Variants in MTRR observed in about 807,000 individuals in gnomAD.
MTRR encodes the protein methionine synthase reductase.
A neutral mutation model predicts 79.2 loss-of-function variants in MTRR; 63 were observed. The ratio of observed to expected loss-of-function variants is 0.80; its 90% CI spans 0.65 to 0.98. MTRR has a LOEUF of 0.98. MTRR is among the 50% of genes least tolerant of loss of function. The pLI is 0.00. For missense variants in MTRR, 895 were observed against 839.6 expected (o/e 1.07, Z -0.82); for synonymous variants, 355 against 313.3 (o/e 1.13, Z -1.41).
At chr5:7,854,479 A>C (rs1170599364) in intron 1 of MTRR, among the ~76,000 whole-genome samples, 1 of 152,174 alleles carries the variant, frequency 6.6e-6, no homozygotes, top group Non-Finnish European at 1.5e-5. Context: ...GGATGAAAAG[A>C]GGTTTAATTG....
In MTRR at chr5:7,900,084, A is replaced by G; in HGVS notation, c.*26A>G. On this transcript the variant is annotated 3_prime_UTR_variant, in exon 15 of 15. Transcript: ENST00000440940. ...AACCAGAAATTAAAGAAAGAGGATT[A>G]AGCTTTTTTGACTGAAAGTACTAAA... The G allele has an allele frequency of 6.2e-7, 1 of 1,611,486 alleles. No homozygotes were observed. Among genetic ancestry groups the G allele is most frequent in the Non-Finnish European group, 8.5e-7 (1 of 1,179,430 alleles).
chr5:7,869,039 C>T, upstream of MTRR: 1 of 1,455,546 alleles, frequency 6.9e-7, no homozygotes, highest in African/African-American at 1.4e-5. Flanking sequence ...CGTGGGCCTC[C>T]GTAGCAAACG....
chr5:7,863,519 T>C (rs1746702141), intron 2 of MTRR, among the ~76,000 whole-genome samples: 1 of 152,232 alleles, frequency 6.6e-6, no homozygotes, highest in Non-Finnish European at 1.5e-5. Context: ...TTAGGGATGC[T>C]GAACTGGTAA....
chr5:7,864,879 A>T (rs1046371656), upstream of MTRR, among the ~76,000 whole-genome samples: 3 of 151,202 alleles, frequency 2.0e-5, no homozygotes, highest in African/African-American at 7.4e-5. Flanking sequence ...TCTAGTTTAT[A>T]TATGAAAAAA....
intron 1 of MTRR, among the ~76,000 whole-genome samples, chr5:7,857,916 G>T (rs1746298289): frequency 6.6e-6 from 1 of 152,238 alleles, no homozygotes; most frequent in Non-Finnish European, 1.5e-5. Context: ...GCTTGCAATG[G>T]ATGAGATGGA....
At chr5:7,883,322 T>C (rs748768386) in intron 6 of MTRR, 45 bp downstream of exon 6, 3 of 1,613,128 alleles carry the variant, frequency 1.9e-6, no homozygotes, top group Non-Finnish European at 2.5e-6. Flanking sequence ...ATTGTCAGGA[T>C]GTGCAGAAAG....
At chr5:7,881,411 A>T (rs1735571243) in intron 5 of MTRR, among the ~76,000 whole-genome samples, 1 of 152,036 alleles carries the variant, frequency 6.6e-6, no homozygotes, top group Admixed American at 6.6e-5. Context: ...CTGTGGGCAG[A>T]GGTCCTTACA....
At chr5:7,877,097 C>CT (rs1482490098) in intron 4 of MTRR, among the ~76,000 whole-genome samples, 5 of 152,194 alleles carry the variant, frequency 3.3e-5, no homozygotes, top group African/African-American at 1.2e-4. Context: ...GGCCTGAAAT[C>CT]TGCCTCCTCT....
chr5:7,858,463 C>A (rs1321668732), intron 1 of MTRR, among the ~76,000 whole-genome samples: 1 of 152,170 alleles, frequency 6.6e-6, no homozygotes, highest in African/African-American at 2.4e-5. Flanking sequence ...AATTTGCTTC[C>A]ATTGCCTCTC....
chr5:7,870,527 G>A (rs188440805), intron 1 of MTRR: 11 of 467,302 alleles, frequency 2.4e-5, no homozygotes, highest in Admixed American at 2.3e-4. Context: ...AGCCCAAGTA[G>A]TTTCGAGCCG....
At chr5:7,867,823 G>A (rs141321021), upstream of MTRR, 50 of 1,613,982 alleles carry the variant, frequency 3.1e-5, no homozygotes, top group African/African-American at 5.3e-5. Context: ...CAAGCCTGTC[G>A]CAGTCAGATA....
intron 5 of MTRR, among the ~76,000 whole-genome samples, chr5:7,880,900 C>G (rs1213629257): frequency 6.6e-6 from 1 of 152,160 alleles, no homozygotes; most frequent in East Asian, 1.9e-4. Context: ...TTAACAGACC[C>G]TGGAATGTTT....
At chr5:7,891,312 T>TA (rs1737523306) in intron 9 of MTRR, 60 bp from the exon 10 acceptor site, 2 of 793,770 alleles carry the variant, frequency 2.5e-6, no homozygotes, top group South Asian at 1.6e-5. Flanking sequence ...TTTTTTTTTT[T>TA]AGGTAAGGTT....
upstream of MTRR, among the ~76,000 whole-genome samples, chr5:7,865,478 T>C (rs1341214245): frequency 6.6e-6 from 1 of 152,128 alleles, no homozygotes; most frequent in Non-Finnish European, 1.5e-5. Context: ...TAAACTCTAT[T>C]AGATAAAAGT....
rs1284224407 is a variant in MTRR, at chr5:7,894,069, A to G, written c.1557+1156A>G. 3.3e-5 allele frequency among the ~76,000 whole-genome samples: 5 copies of G among 152,204 alleles called. No homozygotes were observed. In the East Asian group the frequency reaches 9.6e-4, roughly 29 times the overall value. ...GTGTCCATCATGTATCGTAAACACT[A>G]AACATGGGTGCCTTTCACCTACTCC... On this transcript the variant is annotated intron_variant, in intron 11 of 14. Transcript: ENST00000440940.
chr5:7,871,747 T>G (rs563108797), intron 2 of MTRR, among the ~76,000 whole-genome samples: 5 of 152,260 alleles, frequency 3.3e-5, no homozygotes, highest in African/African-American at 1.2e-4. Context: ...CTCACCTAGT[T>G]CCTTTATGCA....
At chr5:7,869,933 G>C (rs1421792225) in intron 1 of MTRR, 1 of 532,850 alleles carries the variant, frequency 1.9e-6, no homozygotes, top group South Asian at 8.1e-5. Context: ...TTTCATGCCA[G>C]GTGCCGTTCT....
chr5:7,867,037 T>C (rs747406408), upstream of MTRR: 13 of 1,614,022 alleles, frequency 8.1e-6, no homozygotes, highest in East Asian at 2.9e-4. Flanking sequence ...TTGTAAAAAA[T>C]GTGTCATGGT....
chr5:7,864,255 C>T (rs545415515), upstream of MTRR, among the ~76,000 whole-genome samples: 1 of 151,988 alleles, frequency 6.6e-6, no homozygotes, highest in African/African-American at 2.4e-5. Context: ...ATACATATTT[C>T]AAAACAACAT....
Sources: allele counts gnomAD v4.1 joint callset (sites outside exome capture counted in the v4.1 genomes callset), GRCh38; gene constraint gnomAD v4.1.1; transcripts MANE v1.5; gene names NCBI Gene and HGNC (gene_info 2026-07-23, HGNC 2026-07-21).